KPNA4: variants seen among roughly 807,000 people sequenced by gnomAD.
KPNA4 encodes importin subunit alpha-3.
Under a neutral mutation model 71.3 loss-of-function variants are expected in KPNA4, and 13 were observed. The observed-to-expected ratio is 0.18, with a 90% confidence interval of 0.12 to 0.29. The LOEUF is 0.29. Ranked by LOEUF, KPNA4 falls within the 10% of genes least tolerant of loss-of-function variation. KPNA4 has a pLI of 1.00. For synonymous variants in KPNA4, 189 were observed against 195.2 expected (o/e 0.97, Z 0.26); for missense variants, 334 against 603.2 (o/e 0.55, Z 4.67).
intron 16 of KPNA4, 38 bp downstream of exon 16, chr3:160,504,920 A>G (rs1480494196): frequency 3.1e-5 from 29 of 950,678 alleles, no homozygotes; most frequent in Non-Finnish European, 4.2e-5. Flanking sequence ...ATCTATGTTT[A>G]TATATAAAAT....
At chr3:160,539,809 TAA>T (rs1482269427) in intron 1 of KPNA4, among the ~76,000 whole-genome samples, 3 of 152,152 alleles carry the variant, frequency 2.0e-5, no homozygotes, top group African/African-American at 7.2e-5. Flanking sequence ...TCACTTCATC[TAA>T]AGTAGGAGGA....
At chr3:160,552,626 T>G (rs1722064898) in intron 1 of KPNA4, among the ~76,000 whole-genome samples, 1 of 152,118 alleles carries the variant, frequency 6.6e-6, no homozygotes, top group African/African-American at 2.4e-5. Context: ...GGGTTTAACT[T>G]GCAATTAACT....
At chr3:160,508,708 G>A (rs887698029) in intron 14 of KPNA4, among the ~76,000 whole-genome samples, 3 of 151,642 alleles carry the variant, frequency 2.0e-5, no homozygotes, top group South Asian at 2.1e-4. Flanking sequence ...ATATAGAGAC[G>A]GGGGTCTCAC....
At chr3:160,514,883 T>TTA (rs1721173694) in intron 12 of KPNA4, 1 of 477,148 alleles carries the variant, frequency 2.1e-6, no homozygotes, top group Non-Finnish European at 4.2e-6. Flanking sequence ...AATATTAGTA[T>TTA]TAGCTAATGT....
At chr3:160,518,230 C>G (rs1437164082) in intron 11 of KPNA4, among the ~76,000 whole-genome samples, 4 of 151,748 alleles carry the variant, frequency 2.6e-5, no homozygotes, top group East Asian at 2.0e-4. Flanking sequence ...CGGGTTCACG[C>G]CATTCTCCTG....
At chr3:160,565,110 G>A in intron 1 of KPNA4, 104 bp downstream of exon 1, 1 of 931,276 alleles carries the variant, frequency 1.1e-6, no homozygotes, top group Non-Finnish European at 1.7e-6. Flanking sequence ...CATTCCCCGA[G>A]GCCTGGAGGC....
chr3:160,548,427 C>T (rs1337905260), intron 1 of KPNA4, among the ~76,000 whole-genome samples: 4 of 152,210 alleles, frequency 2.6e-5, no homozygotes, highest in East Asian at 3.9e-4. Flanking sequence ...CTTGCAAAAA[C>T]GAAACACTAC....
chr3:160,565,377 T>G lies in KPNA4; in HGVS notation c.-95A>C. The G allele has an allele frequency of 9.9e-7, 1 of 1,009,620 alleles. No homozygotes were observed. 62.5% of individuals were successfully genotyped at this position (1,009,620 alleles called of 1,614,324 possible). ...CACTCCCAGGAACCGGGCCGCCGCC[T>G]GAGCTGCTGTGCCCGCCGCGCCGCC... is the stretch of plus-strand genomic sequence containing the variant. On this transcript the variant is annotated 5_prime_UTR_variant, in exon 1 of 17. Coordinates refer to ENST00000334256, the MANE Select transcript of KPNA4 (RefSeq NM_002268.5).
intron 1 of KPNA4, among the ~76,000 whole-genome samples, chr3:160,544,774 T>G (rs1721872112): frequency 6.6e-6 from 1 of 152,148 alleles, no homozygotes; most frequent in Non-Finnish European, 1.5e-5. Context: ...TCTCTGCTGA[T>G]TTGGTGCATT....
chr3:160,562,889 T>G (rs1218399037), intron 1 of KPNA4, among the ~76,000 whole-genome samples: 1 of 152,214 alleles, frequency 6.6e-6, no homozygotes, highest in Non-Finnish European at 1.5e-5. Flanking sequence ...GGACTTAATC[T>G]GATTTTGACT....
intron 5 of KPNA4, among the ~76,000 whole-genome samples, chr3:160,534,741 G>A (rs1480147341): frequency 3.4e-5 from 3 of 88,962 alleles, no homozygotes; most frequent in Admixed American, 3.1e-4. Flanking sequence ...AAAAAGAAAT[G>A]TTCAAACAAC....
At chr3:160,529,377 C>CA (rs1470634931) in intron 7 of KPNA4, among the ~76,000 whole-genome samples, 20 of 712 alleles carry the variant, frequency 0.028, 1 homozygote, top group African/African-American at 0.12. Flanking sequence ...TGTTATGAAA[C>CA]CAAAAATTTT....
intron 1 of KPNA4, among the ~76,000 whole-genome samples, chr3:160,550,634 TG>T (rs1289653636): frequency 6.6e-6 from 1 of 152,232 alleles, no homozygotes; most frequent in Non-Finnish European, 1.5e-5. Flanking sequence ...TTGTTTGCTG[TG>T]GGCTTTTCAT....
rs1720810668 is a variant in KPNA4 at position 160,498,455 on chromosome 3, T to C, written c.*3649A>G. ...CTGTGAACAGGATCTTTGAATATGA[T>C]GCGTATCACCCCTGTGATTGGACTA... On this transcript the variant is annotated 3_prime_UTR_variant, in exon 17 of 17. Coordinates refer to ENST00000334256, the MANE Select transcript of KPNA4 (RefSeq NM_002268.5). 1 of 152,184 alleles carries C rather than the reference T, an allele frequency of 6.6e-6. No individual in the cohort carries two copies. The highest frequency in any genetic ancestry group is 1.5e-5 in the Non-Finnish European group (1 of 68,046). The allele number at this position is 152,184 out of a possible 1,614,324, so 9.4% of individuals were successfully genotyped here.
intron 1 of KPNA4, among the ~76,000 whole-genome samples, chr3:160,561,257 T>C (rs1722240113): frequency 6.6e-6 from 1 of 152,108 alleles, no homozygotes; most frequent in South Asian, 2.1e-4. Context: ...TGCAGGTTTA[T>C]TAGGAAATCT....
In KPNA4 at chr3:160,509,845, A is replaced by G. The variant is rs1281095488; in HGVS notation, c.1164T>C (p.Ala388=). 6.2e-7 allele frequency: 1 copy of G among 1,612,996 alleles called. No homozygotes were observed. Among genetic ancestry groups the G allele is most frequent in the African/African-American group, 1.3e-5 (1 of 74,896 alleles). The change falls in exon 14 of 17, where the codon GCT becomes GCC. Residue 388 remains alanine, a synonymous_variant. Transcript: ENST00000334256. The stretch of plus-strand genomic sequence containing the variant: ...TTGTTAAGTTACTTATGGCCCAAGC[A>G]GCTTCTTTTTGAGTGCCAAAATCCC... The part of the protein sequence containing the change: ...DKGDFGTQKE[A]AWAISNLTIS...
chr3:160,524,712 C>A lies in KPNA4; in HGVS notation c.771+1088G>T, dbSNP rs144093937. Among the ~76,000 whole-genome samples the A allele has an allele frequency of 9.9e-5, 15 of 152,086 alleles. 1 individual carries two copies. The highest frequency in any genetic ancestry group is 4.2e-4 in the South Asian group (2 of 4,812). Reference sequence around the variant, plus strand: ...ATCAAAGAACTTGGCTATTAAGGAGCCAAAACCAAAAATTACTTACACATT... The same window carrying A: ...ATCAAAGAACTTGGCTATTAAGGAGACAAAACCAAAAATTACTTACACATT... On this transcript the variant is annotated intron_variant, in intron 10 of 16. Coordinates refer to ENST00000334256, the MANE Select transcript of KPNA4 (RefSeq NM_002268.5).
In KPNA4 at chr3:160,497,950, CT is replaced by C. The variant is rs1266129191; in HGVS notation, c.*4153del. The C allele has an allele frequency of 2.6e-5, 4 of 152,104 alleles. No individual in the cohort carries two copies. The highest frequency in any genetic ancestry group is 9.7e-5 in the African/African-American group (4 of 41,398). 9.4% of individuals were successfully genotyped at this position (152,104 alleles called of 1,614,324 possible). On this transcript the variant is annotated 3_prime_UTR_variant, in exon 17 of 17. Coordinates refer to ENST00000334256, the MANE Select transcript of KPNA4 (RefSeq NM_002268.5). ...GCTTCTATAACAATGTTACCCATTCCTTAGTAAACAAAAAAAATATCCAAAA... is the reference window on the plus strand; with the variant it reads ...GCTTCTATAACAATGTTACCCATTCCTAGTAAACAAAAAAAATATCCAAAA...
At chr3:160,522,510 T>G (rs1024654613) in intron 10 of KPNA4, among the ~76,000 whole-genome samples, 3 of 151,780 alleles carry the variant, frequency 2.0e-5, no homozygotes, top group Admixed American at 6.6e-5. Context: ...CAGGCTGGAG[T>G]GCAGCAGCGC....
Sources: allele counts gnomAD v4.1 joint callset (sites outside exome capture counted in the v4.1 genomes callset), GRCh38; gene constraint gnomAD v4.1.1; transcripts MANE v1.5; gene names NCBI Gene and HGNC (gene_info 2026-07-23, HGNC 2026-07-21).